Variants in NCOA6 observed in about 807,000 individuals in gnomAD.
NCOA6 encodes NRC RAP250.
NCOA6 carries 49 observed loss-of-function variants against 171.4 expected under a neutral mutation model. The ratio of observed to expected loss-of-function variants is 0.29; its 90% CI spans 0.23 to 0.36. The LOEUF (loss-of-function observed/expected upper bound fraction) is 0.36, where lower values mean the gene tolerates loss of function less well. Among genes scored for constraint, NCOA6 ranks in the 10% least tolerant of loss-of-function variants. The pLI is 1.00. For missense variants in NCOA6, 2,248 were observed against 2,554.5 expected, an observed-to-expected ratio of 0.88 and a Z score of 2.59; for synonymous variants, 910 against 927.5, an observed-to-expected ratio of 0.98 and a Z score of 0.34.
chr20:34,756,862 C>T (rs1482300603), intron 7 of NCOA6, among the ~76,000 whole-genome samples: 1 of 152,122 alleles, frequency 6.6e-6, no homozygotes, highest in Non-Finnish European at 1.5e-5. Flanking sequence ...TGCTCTATTG[C>T]ATAATCTTAA....
At chr20:34,796,990 C>T (rs779753951) in intron 1 of NCOA6, among the ~76,000 whole-genome samples, 20 of 152,154 alleles carry the variant, frequency 1.3e-4, no homozygotes, top group African/African-American at 2.7e-4. Context: ...ACCTCTTAAA[C>T]GCTTAGTATC....
At chr20:34,800,469 G>A (rs1329984843) in intron 1 of NCOA6, among the ~76,000 whole-genome samples, 12 of 151,974 alleles carry the variant, frequency 7.9e-5, no homozygotes, top group Admixed American at 7.2e-4. Flanking sequence ...AAGACCCAAT[G>A]ATCTGTTGAC....
intron 4 of NCOA6, among the ~76,000 whole-genome samples, chr20:34,769,195 G>A (rs566787390): frequency 6.6e-6 from 1 of 152,156 alleles, no homozygotes; most frequent in South Asian, 2.1e-4. Flanking sequence ...TACTTTTATA[G>A]GTTTTTGTTT....
At position 34,741,252 on chromosome 20, in the gene NCOA6, C is replaced by T. The variant is rs757980579; in HGVS notation, c.5004G>A (p.Gln1668=). The part of the protein sequence containing the change: ...PVFINSSSII[Q]VMKGSQPSTI... ...TGCTTGGCTGTGATCCTTTCATAAC[C>T]TGAATTATTGAGGATGAATTGATAA... Residue 1668 remains glutamine (Q), a synonymous_variant, in exon 11 of 15, where the codon CAG becomes CAA. Coordinates refer to ENST00000359003, the MANE Select transcript of NCOA6 (RefSeq NM_014071.5). 8.1e-6 allele frequency: 13 copies of T among 1,614,100 alleles called. No individual in the cohort carries two copies. In the South Asian group the frequency reaches 1.3e-4, roughly 16 times the overall value.
intron 4 of NCOA6, among the ~76,000 whole-genome samples, chr20:34,773,490 T>C (rs1206143305): frequency 3.3e-5 from 5 of 150,642 alleles, no homozygotes; most frequent in African/African-American, 4.8e-5. Context: ...ATTTTGCTCT[T>C]GTCGCCCAGG....
intron 1 of NCOA6, among the ~76,000 whole-genome samples, chr20:34,808,436 CTTTTT>C (rs957085400): frequency 1.6e-5 from 2 of 125,478 alleles, no homozygotes; most frequent in South Asian, 5.0e-4. Context: ...CTTGTCTGTG[CTTTTT>C]TTTTTTTTTT....
chr20:34,759,852 G>A (rs990429582), intron 5 of NCOA6, among the ~76,000 whole-genome samples: 2 of 152,020 alleles, frequency 1.3e-5, no homozygotes, highest in African/African-American at 4.8e-5. Flanking sequence ...AATTTTACTA[G>A]ATATTGGTAA....
chr20:34,768,360 T>A, intron 5 of NCOA6, 104 bp downstream of exon 5: 2 of 1,421,284 alleles, frequency 1.4e-6, no homozygotes, highest in Admixed American at 2.0e-5. Context: ...AATAGAGATG[T>A]TAAGTATGCC....
intron 7 of NCOA6, among the ~76,000 whole-genome samples, chr20:34,755,935 C>G (rs1459487133): frequency 6.6e-6 from 1 of 152,106 alleles, no homozygotes; most frequent in Non-Finnish European, 1.5e-5. Context: ...CGGGGTTTCA[C>G]CATGTTGGCC....
At chr20:34,822,563 C>T (rs1245997562) in intron 1 of NCOA6, among the ~76,000 whole-genome samples, 4 of 152,204 alleles carry the variant, frequency 2.6e-5, no homozygotes, top group Non-Finnish European at 4.4e-5. Flanking sequence ...TCTTTGGCAT[C>T]GACCATCCTG....
At chr20:34,734,506 A>G (rs969427393) in intron 12 of NCOA6, among the ~76,000 whole-genome samples, 4 of 151,940 alleles carry the variant, frequency 2.6e-5, no homozygotes, top group African/African-American at 9.7e-5. Flanking sequence ...GCCAAGCCCA[A>G]CTAATTTTTA....
chr20:34,740,329 G>A, intron 11 of NCOA6, 34 bp downstream of exon 11: 1 of 1,581,934 alleles, frequency 6.3e-7, no homozygotes, highest in Non-Finnish European at 8.6e-7. Flanking sequence ...TCAAAAAACT[G>A]ACACAAAGAG....
At chr20:34,803,927 G>A (rs2078348315) in intron 1 of NCOA6, among the ~76,000 whole-genome samples, 1 of 151,610 alleles carries the variant, frequency 6.6e-6, no homozygotes. Flanking sequence ...GAACCCGGGA[G>A]GTGGAGGTTG....
chr20:34,790,862 G>A (rs1232908732), intron 2 of NCOA6, among the ~76,000 whole-genome samples: 1 of 150,532 alleles, frequency 6.6e-6, no homozygotes, highest in Non-Finnish European at 1.5e-5. Flanking sequence ...TATTGGCCAG[G>A]CTAGTCTCAA....
In NCOA6 at chr20:34,727,315, T is replaced by G. The variant is rs1437997858; in HGVS notation, c.6092A>C (p.Glu2031Ala). Reference protein sequence around the residue: ...EEPTVASESVENGHRKRSSRP... With the variant: ...EEPTVASESVANGHRKRSSRP... ...AGAAGATCGTTTACGATGTCCATTT[T>G]CCACACTTTCAGAGGCCACAGTTGG... The change falls in exon 14 of 15, where the codon GAA (glutamate) becomes GCA (alanine). Residue 2031 changes from glutamate to alanine, a missense_variant. By Grantham distance (107) the Glu-to-Ala change is moderately radical. Transcript: ENST00000359003. The G allele has an allele frequency of 1.2e-6, 2 of 1,614,194 alleles. No individual in the cohort carries two copies. Among genetic ancestry groups the G allele is most frequent in the Admixed American group, 3.3e-5 (2 of 60,028 alleles).
At chr20:34,754,320 T>C (rs2076580853) in intron 8 of NCOA6, among the ~76,000 whole-genome samples, 1 of 152,254 alleles carries the variant, frequency 6.6e-6, no homozygotes, top group Admixed American at 6.5e-5. Context: ...TGCTGGTCTG[T>C]AAATAAACAA....
chr20:34,767,058 T>C (rs761222096), intron 5 of NCOA6, among the ~76,000 whole-genome samples: 38 of 152,172 alleles, frequency 2.5e-4, no homozygotes, highest in Admixed American at 1.0e-3. Context: ...TCCTGACATA[T>C]ATATTTTCCT....
chr20:34,740,870 G>A lies in NCOA6; in HGVS notation c.5386C>T (p.Leu1796Phe). 1 of 1,614,222 alleles carries A rather than the reference G, an allele frequency of 6.2e-7. No homozygotes were observed. Among genetic ancestry groups the A allele is most frequent in the Non-Finnish European group, 8.5e-7 (1 of 1,180,048 alleles). The change falls in exon 11 of 15, where the codon CTT (leucine) becomes TTT (phenylalanine). Residue 1796 changes from leucine to phenylalanine, a missense_variant. Physicochemically the swap from Leu to Phe is conservative, Grantham distance 22. Transcript: ENST00000359003. Reference sequence around the variant, plus strand: ...GAGGACCCTGGACTATTGGTCAAAAGGGGAGAAACCATTGTGGTTGACTGT... The same window carrying A: ...GAGGACCCTGGACTATTGGTCAAAAAGGGAGAAACCATTGTGGTTGACTGT... ...SSQSTTMVSPLLTNSPGSSGN... is the reference protein window; with the variant it reads ...SSQSTTMVSPFLTNSPGSSGN...
intron 9 of NCOA6, among the ~76,000 whole-genome samples, chr20:34,748,476 T>C (rs1284652248): frequency 6.6e-6 from 1 of 152,246 alleles, no homozygotes; most frequent in Non-Finnish European, 1.5e-5. Flanking sequence ...ATTCTTTTTC[T>C]ATAATTCTAA....
Sources: gnomAD v4.1 joint callset for allele counts (sites outside exome capture counted in the v4.1 genomes callset) on GRCh38, gnomAD v4.1.1 for gene constraint, MANE v1.5 for transcripts, NCBI Gene and HGNC (gene_info 2026-07-23, HGNC 2026-07-21) for gene names.